The following VPS13B variants were observed in gnomAD, a reference collection of about 807,000 sequenced individuals.
The protein encoded by VPS13B is vacuolar protein sorting 13 homolog B, also known as intermembrane lipid transfer protein VPS13B.
In VPS13B, 285 loss-of-function variants were observed where a neutral mutation model predicts 426.4. That is an observed-to-expected ratio of 0.67 (90% confidence interval 0.61 to 0.74). The LOEUF (loss-of-function observed/expected upper bound fraction) is 0.74, where lower values mean the gene tolerates loss of function less well. VPS13B is among the 30% of genes least tolerant of loss of function. The pLI, the probability that VPS13B is intolerant of heterozygous loss-of-function variation, is 0.00. For synonymous variants in VPS13B, 1,676 were observed against 1,676.4 expected (o/e 1.00, Z 0.01); for missense variants, 4,537 against 4,782.6 (o/e 0.95, Z 1.51).
intron 24 of VPS13B, among the ~76,000 whole-genome samples, chr8:99,478,073 T>G (rs1337281648): frequency 6.7e-6 from 1 of 150,162 alleles, no homozygotes; most frequent in Non-Finnish European, 1.5e-5. Context: ...CATAACAACA[T>G]GCTGTCTTTA....
At chr8:99,691,247 C>CTGTGTGTGTG (rs144300139) in intron 35 of VPS13B, among the ~76,000 whole-genome samples, 1 of 146,918 alleles carries the variant, frequency 6.8e-6, no homozygotes, top group Non-Finnish European at 1.5e-5. Context: ...GTATGGGATA[C>CTGTGTGTGTG]TGTGTGTGTG....
intron 45 of VPS13B, 60 bp from the exon 46 acceptor site, chr8:99,818,390 AT>A: frequency 6.8e-7 from 1 of 1,470,588 alleles, no homozygotes; most frequent in Non-Finnish European, 9.5e-7. Flanking sequence ...TCTGTGCCTT[AT>A]TTTGATTAAT....
intron 26 of VPS13B, among the ~76,000 whole-genome samples, chr8:99,502,437 T>C (rs1376768318): frequency 6.6e-6 from 1 of 152,236 alleles, no homozygotes; most frequent in Non-Finnish European, 1.5e-5. Context: ...ATGTTGAATC[T>C]TATTAACATT....
At chr8:99,438,953 A>G (rs1469548689) in intron 22 of VPS13B, among the ~76,000 whole-genome samples, 1 of 152,104 alleles carries the variant, frequency 6.6e-6, no homozygotes, top group Non-Finnish European at 1.5e-5. Context: ...TTTGTTGACT[A>G]TCTTTCTTTA....
intron 26 of VPS13B, 113 bp from the exon 27 acceptor site, chr8:99,502,723 T>G (rs1821309428): frequency 1.2e-6 from 1 of 828,740 alleles, no homozygotes. Context: ...TTTTGTGATC[T>G]CAGCGCCTCT....
At chr8:99,109,582 C>A (rs1162264153) in intron 5 of VPS13B, among the ~76,000 whole-genome samples, 6 of 152,086 alleles carry the variant, frequency 3.9e-5, no homozygotes, top group African/African-American at 1.4e-4. Flanking sequence ...GGTGTTTCAC[C>A]ACTTTGCCCA....
chr8:99,303,655 G>A (rs1043927549), intron 19 of VPS13B, among the ~76,000 whole-genome samples: 3 of 144,692 alleles, frequency 2.1e-5, no homozygotes, highest in Non-Finnish European at 3.0e-5. Context: ...CTTGAACCTG[G>A]GAGGTGGAGG....
chr8:99,721,752 C>A (rs998135593), intron 39 of VPS13B, among the ~76,000 whole-genome samples: 1 of 152,158 alleles, frequency 6.6e-6, no homozygotes, highest in Non-Finnish European at 1.5e-5. Flanking sequence ...TACTTCCCTG[C>A]GTCAAAACCC....
intron 30 of VPS13B, among the ~76,000 whole-genome samples, chr8:99,522,723 T>C (rs981410802): frequency 6.6e-6 from 1 of 152,214 alleles, no homozygotes; most frequent in African/African-American, 2.4e-5. Flanking sequence ...AAATTCTAGA[T>C]GCTGGATGGC....
chr8:99,846,529 C>A (rs1815992233), intron 54 of VPS13B, among the ~76,000 whole-genome samples: 1 of 152,194 alleles, frequency 6.6e-6, no homozygotes, highest in Non-Finnish European at 1.5e-5. Context: ...AACTATCTAA[C>A]CCCTAGAGCT....
At chr8:99,039,957 A>C (rs553967422) in intron 3 of VPS13B, among the ~76,000 whole-genome samples, 1 of 152,264 alleles carries the variant, frequency 6.6e-6, no homozygotes, top group African/African-American at 2.4e-5. Flanking sequence ...CATTACAACA[A>C]AGTTTTACTT....
intron 51 of VPS13B, 43 bp downstream of exon 51, chr8:99,824,021 G>A (rs1054255782): frequency 1.2e-6 from 2 of 1,600,202 alleles, no homozygotes; most frequent in Non-Finnish European, 8.5e-7. Context: ...TTTTGATAAA[G>A]AAACAATAAA....
At chr8:99,621,329 C>T (rs748763292) in intron 33 of VPS13B, among the ~76,000 whole-genome samples, 5 of 152,120 alleles carry the variant, frequency 3.3e-5, no homozygotes, top group Non-Finnish European at 7.4e-5. Flanking sequence ...CAAGGTCAGA[C>T]CAAAATTTTT....
chr8:99,724,553 T>C (rs561034631), intron 39 of VPS13B, among the ~76,000 whole-genome samples: 1 of 152,178 alleles, frequency 6.6e-6, no homozygotes, highest in South Asian at 2.1e-4. Flanking sequence ...AAACTACTGA[T>C]CTTTTTGAGC....
chr8:99,824,880 A>T (rs1031910504), intron 51 of VPS13B, among the ~76,000 whole-genome samples: 32 of 152,228 alleles, frequency 2.1e-4, no homozygotes, highest in African/African-American at 7.7e-4. Flanking sequence ...TTTCAGCTTC[A>T]TCCATGTCCC....
chr8:99,549,255 T>C (rs1366542442), intron 30 of VPS13B, among the ~76,000 whole-genome samples: 1 of 152,114 alleles, frequency 6.6e-6, no homozygotes, highest in Non-Finnish European at 1.5e-5. Context: ...TTAGAAAATG[T>C]GGGTAGAATT....
intron 19 of VPS13B, among the ~76,000 whole-genome samples, chr8:99,354,127 A>G (rs1812049858): frequency 6.6e-6 from 1 of 151,864 alleles, no homozygotes; most frequent in Non-Finnish European, 1.5e-5. Flanking sequence ...AAATAGAAAC[A>G]TTTGCTTTCT....
At chr8:99,574,052 CT>C (rs2133805068) in intron 31 of VPS13B, among the ~76,000 whole-genome samples, 1 of 152,114 alleles carries the variant, frequency 6.6e-6, no homozygotes, top group Non-Finnish European at 1.5e-5. Context: ...ATTTTTTTCT[CT>C]TTGAAGCAAT....
At chr8:99,788,052 A>G (rs1384060343) in intron 43 of VPS13B, among the ~76,000 whole-genome samples, 1 of 152,018 alleles carries the variant, frequency 6.6e-6, no homozygotes, top group Non-Finnish European at 1.5e-5. Flanking sequence ...CTTATGAAAA[A>G]ATAGCAAATA....
Sources: allele counts gnomAD v4.1 joint callset (sites outside exome capture counted in the v4.1 genomes callset), GRCh38; gene constraint gnomAD v4.1.1; transcripts MANE v1.5; gene names NCBI Gene and HGNC (gene_info 2026-07-23, HGNC 2026-07-21).